Variants in WDFY4 observed in about 807,000 individuals in gnomAD.
WDFY4 encodes WDFY family member 4.
WDFY4 carries 169 observed loss-of-function variants against 351.9 expected under a neutral mutation model. The observed-to-expected ratio is 0.48, with a 90% CI of 0.42 to 0.55. The LOEUF (loss-of-function observed/expected upper bound fraction) is 0.55. WDFY4 is among the 20% of genes least tolerant of loss of function. The probability of loss-of-function intolerance (pLI) is 0.00; values close to 1 mark genes in which losing one functional copy is unlikely to be tolerated. For missense variants in WDFY4, 3,803 were observed against 3,935.6 expected, an observed-to-expected ratio of 0.97 and a Z score of 0.90; for synonymous variants, 1,622 against 1,574.6, an observed-to-expected ratio of 1.03 and a Z score of -0.71.
chr10:48,888,932 C>T (rs1310765785), intron 43 of WDFY4, among the ~76,000 whole-genome samples: 1 of 152,218 alleles, frequency 6.6e-6, no homozygotes, highest in South Asian at 2.1e-4. Context: ...TGGTTAAAAT[C>T]CCGCTACTGG....
chr10:48,792,970 G>C (rs571710389), intron 23 of WDFY4, among the ~76,000 whole-genome samples: 1 of 152,178 alleles, frequency 6.6e-6, no homozygotes, highest in Non-Finnish European at 1.5e-5. Flanking sequence ...CATAGCGCCT[G>C]CTGTCACATG....
intron 2 of WDFY4, among the ~76,000 whole-genome samples, chr10:48,710,626 A>T (rs1196574004): frequency 6.6e-6 from 1 of 152,220 alleles, no homozygotes; most frequent in African/African-American, 2.4e-5. Flanking sequence ...ATGTCCTGAC[A>T]CAAGAGTCAC....
chr10:48,932,159 A>G (rs1351906683), intron 47 of WDFY4, among the ~76,000 whole-genome samples: 1 of 152,226 alleles, frequency 6.6e-6, no homozygotes, highest in East Asian at 1.9e-4. Context: ...GGTGATAAAA[A>G]TGTTAGGTGA....
chr10:48,930,197 A>G (rs1024991168), intron 47 of WDFY4, among the ~76,000 whole-genome samples: 1 of 152,228 alleles, frequency 6.6e-6, no homozygotes, highest in Admixed American at 6.5e-5. Context: ...GCTTTGTCCC[A>G]GATTTCATAG....
At chr10:48,829,881 T>C (rs2068129293) in intron 37 of WDFY4, among the ~76,000 whole-genome samples, 1 of 152,210 alleles carries the variant, frequency 6.6e-6, no homozygotes, top group African/African-American at 2.4e-5. Flanking sequence ...ACACAGGGCC[T>C]CTGTGTTCTG....
chr10:48,812,179 C>CTTTTTTTTTTTTTT (rs1355851618), intron 30 of WDFY4, among the ~76,000 whole-genome samples: 3 of 134,556 alleles, frequency 2.2e-5, no homozygotes, highest in Admixed American at 7.2e-5. Context: ...TCTTTCTTTT[C>CTTTTTTTTTTTTTT]TTTTTTTTTT....
At position 48,946,154 on chromosome 10, in the gene WDFY4, G is replaced by T; in HGVS notation, c.7864G>T (p.Glu2622Ter). The T allele has an allele frequency of 2.6e-6, 4 of 1,546,184 alleles. No homozygotes were observed. Among genetic ancestry groups the T allele is most frequent in the Non-Finnish European group, 3.5e-6 (4 of 1,144,122 alleles). The change falls in exon 50 of 62, where the codon GAA (glutamate) becomes TAA (stop). Residue 2622 changes from glutamate (E) to a stop codon, truncating the protein, a stop_gained. Transcript: ENST00000325239. LOFTEE classifies it high-confidence loss of function. ...IQRFKEVEKT[E>*]GDMTVQCHYY... Reference sequence around the variant, plus strand: ...GAGGTTTAAAGAAGTTGAGAAAACTGAAGGTGAGTAGATCCAGCTTGATTT... The same window carrying T: ...GAGGTTTAAAGAAGTTGAGAAAACTTAAGGTGAGTAGATCCAGCTTGATTT...
At chr10:48,826,331 C>A (rs991060484) in intron 35 of WDFY4, among the ~76,000 whole-genome samples, 5 of 151,954 alleles carry the variant, frequency 3.3e-5, no homozygotes, top group African/African-American at 1.2e-4. Flanking sequence ...GTTTTTGTAC[C>A]AATTCTGTAC....
intron 12 of WDFY4, among the ~76,000 whole-genome samples, chr10:48,747,276 C>G (rs775129281): frequency 6.6e-6 from 1 of 152,008 alleles, no homozygotes; most frequent in East Asian, 1.9e-4. Flanking sequence ...TTTCTCTGGT[C>G]GCTTTTAAGA....
intron 20 of WDFY4, among the ~76,000 whole-genome samples, chr10:48,787,845 CTTCTTCTTCTTCT>C (rs2066467261): frequency 4.3e-5 from 6 of 139,842 alleles, no homozygotes; most frequent in African/African-American, 1.6e-4. Context: ...TCTTCTTCTT[CTTCTTCTTCTTCT>C]TTCTTCTTCT....
At chr10:48,946,251 C>T in intron 50 of WDFY4, 94 bp downstream of exon 50, 3 of 962,230 alleles carry the variant, frequency 3.1e-6, no homozygotes, top group South Asian at 3.1e-5. Flanking sequence ...ACCTAGCCTA[C>T]AAGTAATTGC....
rs917560526 is a variant in WDFY4 at position 48,788,692 on chromosome 10, C to T, written c.3954+17C>T. 3.9e-6 allele frequency: 6 copies of T among 1,550,472 alleles called. No homozygotes were observed. Among genetic ancestry groups the T allele is most frequent in the Admixed American group, 2.0e-5 (1 of 50,944 alleles). ...GCCAAAGAGGTACATCTTCTAACTT[C>T]GCTGCTAATCTCTGTTGGAATCTGG... On this transcript the variant is annotated intron_variant, in intron 21 of 61. Transcript: ENST00000325239.
At position 48,777,508 on chromosome 10, in the gene WDFY4, C is replaced by T. The variant is rs1349379242; in HGVS notation, c.3175+13C>T. ...GGAATTGGGACAGGTAGGTGTTTTT[C>T]CCAGATGGTTTAGCTCTCCATCCCT... On this transcript the variant is annotated intron_variant, in intron 17 of 61. Transcript: ENST00000325239. The T allele has an allele frequency of 5.8e-6, 9 of 1,550,888 alleles. No homozygotes were observed. The highest frequency in any genetic ancestry group is 7.9e-6 in the Non-Finnish European group (9 of 1,146,370).
At chr10:48,762,331 C>T (rs544756899) in intron 13 of WDFY4, among the ~76,000 whole-genome samples, 70 of 152,344 alleles carry the variant, frequency 4.6e-4, no homozygotes, top group Non-Finnish European at 8.5e-4. Context: ...TTCATGTCTC[C>T]ATGTCCCTTC....
At chr10:48,913,314 T>G in intron 47 of WDFY4, 1 of 1,403,508 alleles carries the variant, frequency 7.1e-7, no homozygotes, top group Non-Finnish European at 9.7e-7. Context: ...GAGCCCTTGG[T>G]TTCCTGTGGA....
chr10:48,846,218 A>G (rs2068771205), intron 39 of WDFY4, among the ~76,000 whole-genome samples: 1 of 152,192 alleles, frequency 6.6e-6, no homozygotes, highest in Non-Finnish European at 1.5e-5. Context: ...CCCACATGGC[A>G]TCTTTGCTCC....
intron 40 of WDFY4, among the ~76,000 whole-genome samples, chr10:48,873,107 A>G (rs2069848494): frequency 1.3e-5 from 2 of 152,200 alleles, no homozygotes; most frequent in Admixed American, 6.5e-5. Context: ...AAGTACATTC[A>G]GCTTCACTTT....
chr10:48,721,164 A>T, intron 3 of WDFY4, 97 bp from the exon 4 acceptor site: 2 of 1,188,054 alleles, frequency 1.7e-6, no homozygotes, highest in Non-Finnish European at 2.4e-6. Context: ...TCCTCTACAG[A>T]TGCTCAGGCA....
At chr10:48,916,603 A>C (rs1452717800) in intron 47 of WDFY4, among the ~76,000 whole-genome samples, 7 of 152,218 alleles carry the variant, frequency 4.6e-5, no homozygotes, top group Non-Finnish European at 2.9e-5. Context: ...TAGAAAACAA[A>C]ATCCAGCCAG....
Sources: allele counts gnomAD v4.1 joint callset (sites outside exome capture counted in the v4.1 genomes callset), GRCh38; gene constraint gnomAD v4.1.1; transcripts MANE v1.5; gene names NCBI Gene and HGNC (gene_info 2026-07-23, HGNC 2026-07-21).